SPIDR: variants seen among roughly 807,000 people sequenced by gnomAD.
The protein encoded by SPIDR is DNA repair-scaffolding protein.
SPIDR carries 93 observed loss-of-function variants against 104.6 expected under a neutral mutation model. The ratio of observed to expected loss-of-function variants is 0.89; its 90% CI spans 0.75 to 1.06. The LOEUF is 1.06. SPIDR is among the 50% of genes least tolerant of loss of function. The probability of loss-of-function intolerance (pLI) is 0.00; values close to 1 mark genes in which losing one functional copy is unlikely to be tolerated. For missense variants in SPIDR, 1,154 were observed against 1,111.2 expected (o/e 1.04, Z -0.55); for synonymous variants, 431 against 416.9 (o/e 1.03, Z -0.41).
At chr8:47,421,315 A>G (rs1368276646) in intron 7 of SPIDR, among the ~76,000 whole-genome samples, 3 of 152,068 alleles carry the variant, frequency 2.0e-5, no homozygotes, top group Admixed American at 6.5e-5. Flanking sequence ...ATTTCTTTTA[A>G]TTCTTTTTTC....
chr8:47,553,435 G>A (rs1278673831), intron 8 of SPIDR, among the ~76,000 whole-genome samples: 1 of 152,158 alleles, frequency 6.6e-6, no homozygotes, highest in African/African-American at 2.4e-5. Flanking sequence ...TGGAGGCATT[G>A]TTCGTTTCTT....
At chr8:47,506,450 T>A (rs1012339235) in intron 8 of SPIDR, among the ~76,000 whole-genome samples, 8 of 152,196 alleles carry the variant, frequency 5.3e-5, no homozygotes, top group Non-Finnish European at 1.2e-4. Context: ...CGTTCTTTCT[T>A]TCTCTAATTT....
At chr8:47,549,623 TC>T (rs1446759553) in intron 8 of SPIDR, among the ~76,000 whole-genome samples, 1 of 152,248 alleles carries the variant, frequency 6.6e-6, no homozygotes, top group Admixed American at 6.5e-5. Flanking sequence ...GGTTGTTTTT[TC>T]TTGTAAATTT....
rs183018223 is a variant in SPIDR at position 47,469,409 on chromosome 8, C to T, written c.1097+28867C>T. Among the ~76,000 whole-genome samples, 838 of 152,102 alleles carry T rather than the reference C, an allele frequency of 5.5e-3. 30 individuals are homozygous for T. Among genetic ancestry groups the T allele is most frequent in the East Asian group, 3.5e-3 (18 of 5,176 alleles). ...AATATAAATCATTCTACCATAAAGACGCAGGCAAGCATATGTTTGTTGCAG... is the reference window on the plus strand; with the variant it reads ...AATATAAATCATTCTACCATAAAGATGCAGGCAAGCATATGTTTGTTGCAG... On this transcript the variant is annotated intron_variant, in intron 8 of 19. Transcript: ENST00000297423.
chr8:47,276,018 G>A (rs1177696920), intron 1 of SPIDR, among the ~76,000 whole-genome samples: 2 of 152,040 alleles, frequency 1.3e-5, no homozygotes, highest in African/African-American at 2.4e-5. Flanking sequence ...CACCAGGCCT[G>A]GCTAATTTTT....
intron 8 of SPIDR, among the ~76,000 whole-genome samples, chr8:47,448,936 G>C (rs1469904019): frequency 6.6e-6 from 1 of 152,142 alleles, no homozygotes; most frequent in Non-Finnish European, 1.5e-5. Context: ...AGCAGAAAGT[G>C]AATCTGGAGA....
At chr8:47,531,457 C>A (rs1043348654) in intron 8 of SPIDR, among the ~76,000 whole-genome samples, 7 of 152,154 alleles carry the variant, frequency 4.6e-5, no homozygotes, top group African/African-American at 1.7e-4. Flanking sequence ...TGGTAGATCA[C>A]TTGGTTTGTT....
At chr8:47,286,147 A>T (rs2038803410) in intron 3 of SPIDR, among the ~76,000 whole-genome samples, 1 of 152,284 alleles carries the variant, frequency 6.6e-6, no homozygotes, top group South Asian at 2.1e-4. Flanking sequence ...GAAGCACCAG[A>T]CAGTTACATA....
At chr8:47,728,129 GA>G (rs1008975168) in intron 17 of SPIDR, among the ~76,000 whole-genome samples, 32 of 139,718 alleles carry the variant, frequency 2.3e-4, no homozygotes, top group African/African-American at 5.1e-4. Flanking sequence ...AAGAAAAAGA[GA>G]AAAAAAAAAG....
At chr8:47,652,468 G>A (rs999648989) in intron 10 of SPIDR, among the ~76,000 whole-genome samples, 2 of 152,122 alleles carry the variant, frequency 1.3e-5, no homozygotes, top group Non-Finnish European at 2.9e-5. Flanking sequence ...TGGGCGGGCT[G>A]GAAACAAAAC....
intron 8 of SPIDR, among the ~76,000 whole-genome samples, chr8:47,458,535 C>T (rs782348267): frequency 7.9e-5 from 12 of 151,510 alleles, no homozygotes; most frequent in East Asian, 1.9e-4. Context: ...AGGAGCTTTT[C>T]GGAGGAGTCT....
intron 8 of SPIDR, among the ~76,000 whole-genome samples, chr8:47,518,895 A>G (rs1043082369): frequency 1.3e-5 from 2 of 152,116 alleles, no homozygotes; most frequent in Non-Finnish European, 2.9e-5. Flanking sequence ...TTGGCCTCCC[A>G]AAGTGCTGGG....
intron 7 of SPIDR, among the ~76,000 whole-genome samples, chr8:47,427,625 C>T (rs1255030975): frequency 6.6e-6 from 1 of 152,178 alleles, no homozygotes; most frequent in Non-Finnish European, 1.5e-5. Flanking sequence ...CTGTGTGAAC[C>T]TTAGGTGAGC....
chr8:47,544,237 T>C (rs1289263061), intron 8 of SPIDR, among the ~76,000 whole-genome samples: 2 of 152,202 alleles, frequency 1.3e-5, no homozygotes, highest in East Asian at 3.9e-4. Flanking sequence ...CATTTTCTAA[T>C]TGGATTGTTT....
intron 10 of SPIDR, among the ~76,000 whole-genome samples, chr8:47,667,566 A>G (rs1307640905): frequency 1.3e-5 from 2 of 152,210 alleles, no homozygotes; most frequent in Middle Eastern, 3.4e-3. Flanking sequence ...AGCCTCCAAC[A>G]TAAGAAATAG....
At chr8:47,287,077 A>G (rs1388292077) in intron 3 of SPIDR, among the ~76,000 whole-genome samples, 5 of 152,200 alleles carry the variant, frequency 3.3e-5, no homozygotes, top group Non-Finnish European at 5.9e-5. Context: ...ATCACATAAC[A>G]GTAGGACCGT....
chr8:47,397,345 A>C (rs2061355038), intron 6 of SPIDR, among the ~76,000 whole-genome samples: 1 of 151,988 alleles, frequency 6.6e-6, no homozygotes, highest in Non-Finnish European at 1.5e-5. Flanking sequence ...AAAATACAAA[A>C]ATTAGCTGGG....
At chr8:47,420,560 CTT>C (rs2065248713) in intron 7 of SPIDR, among the ~76,000 whole-genome samples, 1 of 152,290 alleles carries the variant, frequency 6.6e-6, no homozygotes, top group East Asian at 1.9e-4. Context: ...GGTCTTGACT[CTT>C]TATCCAATTT....
chr8:47,427,159 C>T (rs2066542193), intron 7 of SPIDR, among the ~76,000 whole-genome samples: 1 of 151,772 alleles, frequency 6.6e-6, no homozygotes, highest in Admixed American at 6.6e-5. Flanking sequence ...CTCCTGGACA[C>T]TTCTAATGCT....
Sources: gnomAD v4.1 joint callset for allele counts (sites outside exome capture counted in the v4.1 genomes callset) on GRCh38, gnomAD v4.1.1 for gene constraint, MANE v1.5 for transcripts, NCBI Gene and HGNC (gene_info 2026-07-23, HGNC 2026-07-21) for gene names.